Variants in CXXC5 observed in about 807,000 individuals in gnomAD.
CXXC5 encodes the protein CXXC finger protein 5, also known as CXXC-type zinc finger protein 5.
Under a neutral mutation model 17.6 loss-of-function variants are expected in CXXC5, and 2 were observed. The observed-to-expected ratio is 0.11, with a 90% CI of 0.05 to 0.36. CXXC5 has a LOEUF of 0.36. Among genes scored for constraint, CXXC5 ranks in the 10% least tolerant of loss-of-function variants. The pLI is 1.00. For missense variants in CXXC5, 343 were observed against 458.3 expected (o/e 0.75, Z 2.30); for synonymous variants, 171 against 193.0 (o/e 0.89, Z 0.94).
intron 1 of CXXC5, among the ~76,000 whole-genome samples, chr5:139,679,409 T>C (rs1329143426): frequency 6.6e-6 from 1 of 152,224 alleles, no homozygotes; most frequent in Non-Finnish European, 1.5e-5. Context: ...CCTCTGGCCC[T>C]GTGCTGCTCG....
At chr5:139,671,740 G>A (rs1756483738) in intron 1 of CXXC5, among the ~76,000 whole-genome samples, 1 of 152,232 alleles carries the variant, frequency 6.6e-6, no homozygotes, top group African/African-American at 2.4e-5. Context: ...ACAGGGCCCT[G>A]AGAGCCACCC....
rs528286212 is a variant in CXXC5, at chr5:139,672,895, C to T, written c.-160-7469C>T. ...TAGGCACATATGCCTCCCCCAACCC[C>T]AGACACACAAACACACCCCACACAG... is the stretch of plus-strand genomic sequence containing the variant. On this transcript the variant is annotated intron_variant, in intron 1 of 2. Transcript: ENST00000302517. Among the ~76,000 whole-genome samples the T allele has an allele frequency of 2.0e-4, 30 of 152,304 alleles. No homozygotes were observed. The East Asian group carries it at 5.6e-3, about 28-fold the overall frequency.
At position 139,661,265 on chromosome 5, in the gene CXXC5, G is replaced by A. The variant is rs945991971; in HGVS notation, c.-161+12420G>A. ...GGGCGGCAGGATTAGCTCAGGAGACGTGAGTCACCCCATCCCCAGCAGCCC... is the reference window on the plus strand; with the variant it reads ...GGGCGGCAGGATTAGCTCAGGAGACATGAGTCACCCCATCCCCAGCAGCCC... On this transcript the variant is annotated intron_variant, in intron 1 of 2. Coordinates refer to ENST00000302517, the MANE Select transcript of CXXC5 (RefSeq NM_016463.9). The surrounding 1 kb of genome is among the most constrained non-coding windows in gnomAD (Gnocchi z 4.7). Among the ~76,000 whole-genome samples the A allele has an allele frequency of 1.3e-5, 2 of 152,204 alleles. No homozygotes were observed. Among genetic ancestry groups the A allele is most frequent in the East Asian group, 1.9e-4 (1 of 5,176 alleles).
At position 139,668,575 on chromosome 5, in the gene CXXC5, G is replaced by T. The variant is rs1412605236; in HGVS notation, c.-160-11789G>T. 6.6e-6 allele frequency among the ~76,000 whole-genome samples: 1 copy of T among 152,208 alleles called. No homozygotes were observed. Among genetic ancestry groups the T allele is most frequent in the Admixed American group, 6.5e-5 (1 of 15,290 alleles). On this transcript the variant is annotated intron_variant, in intron 1 of 2. Coordinates refer to ENST00000302517, the MANE Select transcript of CXXC5 (RefSeq NM_016463.9). The surrounding 1 kb of genome is among the most constrained non-coding windows in gnomAD (Gnocchi z 4.1). ...CCCCAGAGCTGGCCGCGTTTCTCGG[G>T]GCGGGAGCCAGCTCTGCTCGCCTGG...
In CXXC5 at chr5:139,678,554, C is replaced by G. The variant is rs541418399; in HGVS notation, c.-160-1810C>G. On this transcript the variant is annotated intron_variant, in intron 1 of 2. Coordinates refer to ENST00000302517, the MANE Select transcript of CXXC5 (RefSeq NM_016463.9). ...TATCTGACTGTTGATGGCGGCTACT[C>G]GCCTCACCCTAGAGACAGAGCTTTT... Among the ~76,000 whole-genome samples, 141 of 152,304 alleles carry G rather than the reference C, an allele frequency of 9.3e-4. 2 individuals are homozygous for G. Among genetic ancestry groups the G allele is most frequent in the African/African-American group, 3.3e-3 (136 of 41,568 alleles).
Position 139,658,910 on chromosome 5 carries a change from A to AG in CXXC5, c.-161+10066dup, listed in dbSNP as rs1234285873. Among the ~76,000 whole-genome samples, 1 of 152,232 alleles carries AG rather than the reference A, an allele frequency of 6.6e-6. No homozygotes were observed. Among genetic ancestry groups the AG allele is most frequent in the Non-Finnish European group, 1.5e-5 (1 of 68,038 alleles). On this transcript the variant is annotated intron_variant, in intron 1 of 2. Transcript: ENST00000302517. The surrounding 1 kb of genome is among the most constrained non-coding windows in gnomAD (Gnocchi z 4.1). ...GCAGCCTAGCTGGGCGTTTGAACCCAGAACACTGAGAGATTCTGTTTGGAG... is the reference window on the plus strand; with the variant it reads ...GCAGCCTAGCTGGGCGTTTGAACCCAGGAACACTGAGAGATTCTGTTTGGAG...
At chr5:139,652,200 GTGTA>G (rs1333795771) in intron 1 of CXXC5, among the ~76,000 whole-genome samples, 5 of 150,980 alleles carry the variant, frequency 3.3e-5, no homozygotes, top group South Asian at 2.1e-4. Flanking sequence ...GTGTGTGGCT[GTGTA>G]TGTGTGTGTG....
Position 139,675,108 on chromosome 5 carries a change from G to A in CXXC5, c.-160-5256G>A, listed in dbSNP as rs187582698. ...GTGGGCCCAGCTCCTGTGCACTCCT[G>A]GAAGGCAGTGCTGGGGTCTGGGTCT... On this transcript the variant is annotated intron_variant, in intron 1 of 2. Coordinates refer to ENST00000302517, the MANE Select transcript of CXXC5 (RefSeq NM_016463.9). Among the ~76,000 whole-genome samples the A allele has an allele frequency of 3.0e-4, 46 of 152,296 alleles. 1 individual carries two copies. The highest frequency in any genetic ancestry group is 1.6e-3 in the Admixed American group (24 of 15,302).
At position 139,680,474 on chromosome 5, in the gene CXXC5, C is replaced by G. The variant is rs11553671; in HGVS notation, c.-50C>G. ...GGCCAGGTCCTGGTCTGTGGACCCTCGGCAGTTGGCAGGCTCCCTCTGCAG... is the reference window on the plus strand; with the variant it reads ...GGCCAGGTCCTGGTCTGTGGACCCTGGGCAGTTGGCAGGCTCCCTCTGCAG... On this transcript the variant is annotated 5_prime_UTR_variant, in exon 2 of 3. Transcript: ENST00000302517. 6.6e-7 allele frequency: 1 copy of G among 1,513,348 alleles called. No homozygotes were observed. Among genetic ancestry groups the G allele is most frequent in the East Asian group, 2.4e-5 (1 of 40,880 alleles). 93.7% of individuals were successfully genotyped at this position (1,513,348 alleles called of 1,614,324 possible). A position where few individuals can be genotyped will look rare whatever the true frequency, so the allele number is the denominator to read the frequency against.
At chr5:139,673,958 A>T (rs934145107) in intron 1 of CXXC5, among the ~76,000 whole-genome samples, 8 of 151,922 alleles carry the variant, frequency 5.3e-5, no homozygotes, top group African/African-American at 1.9e-4. Flanking sequence ...GGGGTGTAAG[A>T]GGGTCAGGGG....
At chr5:139,655,452 G>A (rs1755441105) in intron 1 of CXXC5, among the ~76,000 whole-genome samples, 1 of 121,188 alleles carries the variant, frequency 8.3e-6, no homozygotes, top group East Asian at 2.3e-4. Flanking sequence ...CGCCCCCCTG[G>A]GCATCCCTGC....
At position 139,661,726 on chromosome 5, in the gene CXXC5, T is replaced by C. The variant is rs1425839846; in HGVS notation, c.-161+12881T>C. Reference sequence around the variant, plus strand: ...CGCAGCTGCTGTGGTCAGGGCTCTGTTCCCCTAGACGCCCCGTGTTTAGGC... The same window carrying C: ...CGCAGCTGCTGTGGTCAGGGCTCTGCTCCCCTAGACGCCCCGTGTTTAGGC... On this transcript the variant is annotated intron_variant, in intron 1 of 2. Transcript: ENST00000302517. This position sits in a 1 kb window ranked among gnomAD's most constrained non-coding sequence, Gnocchi z 4.7. Among the ~76,000 whole-genome samples the C allele has an allele frequency of 6.6e-6, 1 of 152,334 alleles. No individual in the cohort carries two copies. Among genetic ancestry groups the C allele is most frequent in the African/African-American group, 2.4e-5 (1 of 41,584 alleles).
chr5:139,671,387 C>A (rs930812376), intron 1 of CXXC5, among the ~76,000 whole-genome samples: 1 of 152,334 alleles, frequency 6.6e-6, no homozygotes, highest in Admixed American at 6.5e-5. Flanking sequence ...CCTGGCCATC[C>A]CCTCTCTTCC....
intron 1 of CXXC5, among the ~76,000 whole-genome samples, chr5:139,654,086 A>G (rs1266210883): frequency 1.3e-5 from 2 of 151,946 alleles, no homozygotes; most frequent in Non-Finnish European, 2.9e-5. Flanking sequence ...TCTAGCCAGG[A>G]CCCTAGCTTG....
In CXXC5 at chr5:139,681,283, A is replaced by C. The variant is rs376289323; in HGVS notation, c.760A>C (p.Ser254Arg). 8.7e-6 allele frequency: 14 copies of C among 1,612,624 alleles called. No homozygotes were observed. Among genetic ancestry groups the C allele is most frequent in the African/African-American group, 4.0e-5 (3 of 74,948 alleles). Residue 254 changes from serine (S) to arginine (R), a missense_variant, in exon 2 of 3, where the codon AGC becomes CGC. By Grantham distance (110) the Ser-to-Arg change is moderately radical. Transcript: ENST00000302517. ...GCAGGGAGAGCTGGCCTCTGCCATC[A>C]GCTCCGGCAAGAAGAAGCGGAAACG... ...PMQGELASAI[S>R]SGKKKRKRCG... is the part of the protein sequence containing the mutation.
rs1040271148 is a variant in CXXC5 at position 139,680,403 on chromosome 5, G to T, written c.-121G>T. The T allele has an allele frequency of 1.4e-6, 2 of 1,383,910 alleles. No individual in the cohort carries two copies. The highest frequency in any genetic ancestry group is 3.0e-5 in the South Asian group (2 of 67,378). The allele number at this position is 1,383,910 out of a possible 1,614,324, so 85.7% of individuals were successfully genotyped here. On this transcript the variant is annotated 5_prime_UTR_variant, in exon 2 of 3. Coordinates refer to ENST00000302517, the MANE Select transcript of CXXC5 (RefSeq NM_016463.9). ...CACCTGGACACCTGACCATGTGCCT[G>T]CCCTGAGCAGCGAGGCCCACCAGGC... is the stretch of plus-strand genomic sequence containing the variant.
At chr5:139,655,708 C>T (rs1414840485) in intron 1 of CXXC5, among the ~76,000 whole-genome samples, 3 of 152,068 alleles carry the variant, frequency 2.0e-5, no homozygotes, top group Non-Finnish European at 2.9e-5. Flanking sequence ...GCAACTGGTC[C>T]GCCTGCCTGT....
intron 1 of CXXC5, among the ~76,000 whole-genome samples, chr5:139,674,342 G>A (rs868229998): frequency 1.3e-5 from 2 of 152,194 alleles, no homozygotes; most frequent in Non-Finnish European, 2.9e-5. Context: ...GCCTGTCTGC[G>A]TATTTTGCCT....
chr5:139,682,775 A>C, intron 2 of CXXC5, 88 bp from the exon 3 acceptor site: 1 of 1,322,498 alleles, frequency 7.6e-7, no homozygotes, highest in South Asian at 1.5e-5. Context: ...CTCCGCCATG[A>C]GGCCATCCAT....
Sources: allele counts gnomAD v4.1 joint callset (sites outside exome capture counted in the v4.1 genomes callset), GRCh38; gene constraint gnomAD v4.1.1; non-coding constraint Gnocchi (gnomAD v3.1); transcripts MANE v1.5; gene names NCBI Gene and HGNC (gene_info 2026-07-23, HGNC 2026-07-21).